KCNK10: variants seen among roughly 807,000 people sequenced by gnomAD.
The protein encoded by KCNK10 is potassium two pore domain channel subfamily K member 10, also known as potassium channel subfamily K member 10.
Under a neutral mutation model 47.7 loss-of-function variants are expected in KCNK10, and 25 were observed. The ratio of observed to expected loss-of-function variants is 0.52; its 90% CI spans 0.38 to 0.73. KCNK10 has a LOEUF of 0.73. Among genes scored for constraint, KCNK10 ranks in the 30% least tolerant of loss-of-function variants. The pLI, the probability that KCNK10 is intolerant of heterozygous loss-of-function variation, is 0.00. For missense variants in KCNK10, 563 were observed against 714.5 expected, an observed-to-expected ratio of 0.79 and a Z score of 2.42; for synonymous variants, 303 against 285.6, an observed-to-expected ratio of 1.06 and a Z score of -0.61.
intron 1 of KCNK10, among the ~76,000 whole-genome samples, chr14:88,268,392 G>A (rs977249477): frequency 4.6e-5 from 7 of 152,196 alleles, no homozygotes; most frequent in African/African-American, 7.2e-5. Flanking sequence ...GCCTGTAGGC[G>A]CATGCTCATG....
At chr14:88,257,784 C>A (rs1197056008) in intron 2 of KCNK10, among the ~76,000 whole-genome samples, 1 of 152,178 alleles carries the variant, frequency 6.6e-6, no homozygotes, top group African/African-American at 2.4e-5. Context: ...CACTAGGGCT[C>A]CATTTTTTGG....
intron 5 of KCNK10, among the ~76,000 whole-genome samples, chr14:88,191,340 A>AACACACACACACACACACACAC (rs56194944): frequency 2.3e-4 from 34 of 150,066 alleles, no homozygotes; most frequent in South Asian, 8.5e-4. Context: ...TGGTAAAGGA[A>AACACACACACACACACACACAC]ACACACACAC....
At chr14:88,284,618 G>A (rs1333111981) in intron 1 of KCNK10, among the ~76,000 whole-genome samples, 1 of 152,172 alleles carries the variant, frequency 6.6e-6, no homozygotes, top group Non-Finnish European at 1.5e-5. Flanking sequence ...ATCCAGCACG[G>A]GAGAAAGATG....
chr14:88,256,502 A>G (rs998044810), intron 2 of KCNK10, among the ~76,000 whole-genome samples: 12 of 152,050 alleles, frequency 7.9e-5, no homozygotes, highest in African/African-American at 2.7e-4. Context: ...AAGGATAAAG[A>G]TGACATTCTA....
chr14:88,277,909 C>T (rs912606003), intron 1 of KCNK10, among the ~76,000 whole-genome samples: 3 of 152,322 alleles, frequency 2.0e-5, no homozygotes, highest in Non-Finnish European at 4.4e-5. Context: ...CCTCTAGATG[C>T]CCCTTGAAGG....
intron 1 of KCNK10, among the ~76,000 whole-genome samples, chr14:88,276,808 C>T (rs757187589): frequency 9.0e-4 from 137 of 152,264 alleles, no homozygotes; most frequent in Non-Finnish European, 1.5e-3. Context: ...GCCCTTGATG[C>T]CCCATGGCAG....
chr14:88,242,760 G>C (rs1349248173), intron 2 of KCNK10, among the ~76,000 whole-genome samples: 1 of 152,142 alleles, frequency 6.6e-6, no homozygotes, highest in African/African-American at 2.4e-5. Context: ...TTTTCACTGT[G>C]CCGTATGAGT....
At chr14:88,230,136 AC>A (rs1277892035) in intron 3 of KCNK10, among the ~76,000 whole-genome samples, 20 of 152,296 alleles carry the variant, frequency 1.3e-4, no homozygotes, top group African/African-American at 4.8e-4. Flanking sequence ...AAGATTAAAT[AC>A]CTGTGAAATA....
At chr14:88,201,327 A>G (rs571896846) in intron 4 of KCNK10, among the ~76,000 whole-genome samples, 3 of 152,190 alleles carry the variant, frequency 2.0e-5, no homozygotes, top group Non-Finnish European at 2.9e-5. Flanking sequence ...AAAGAGGAGC[A>G]CTGTTCCTTC....
chr14:88,255,830 A>G (rs1566704309), intron 2 of KCNK10, among the ~76,000 whole-genome samples: 2 of 152,182 alleles, frequency 1.3e-5, no homozygotes, highest in South Asian at 2.1e-4. Context: ...ACTGCACTCC[A>G]GTGTGGGTAA....
intron 6 of KCNK10, among the ~76,000 whole-genome samples, chr14:88,187,036 C>T (rs544219106): frequency 1.3e-5 from 2 of 152,292 alleles, no homozygotes; most frequent in Admixed American, 6.5e-5. Flanking sequence ...CATGTTGTTC[C>T]CTTCTCTTTT....
At chr14:88,190,493 GT>G (rs1338540121) in intron 5 of KCNK10, among the ~76,000 whole-genome samples, 10 of 152,160 alleles carry the variant, frequency 6.6e-5, no homozygotes, top group African/African-American at 2.4e-4. Context: ...TCTCTGTACA[GT>G]CTCTCTTCGG....
In KCNK10 at chr14:88,194,145, C is replaced by A. The variant is rs907954180; in HGVS notation, c.682-1735G>T. On this transcript the variant is annotated intron_variant, in intron 4 of 6. Coordinates refer to ENST00000319231, the MANE Select transcript of KCNK10 (RefSeq NM_138317.3). ...GAGAAGCCATCTGAAAAAAAAATTA[C>A]AATTTATTGATATTGTTGAAACTAT... 8.5e-5 allele frequency among the ~76,000 whole-genome samples: 13 copies of A among 152,244 alleles called. 1 individual carries two copies. The highest frequency in any genetic ancestry group is 2.9e-4 in the African/African-American group (12 of 41,558).
intron 1 of KCNK10, among the ~76,000 whole-genome samples, chr14:88,303,914 G>C (rs1888157136): frequency 6.6e-6 from 1 of 152,130 alleles, no homozygotes; most frequent in Non-Finnish European, 1.5e-5. Flanking sequence ...CGCTTTCACA[G>C]AACTCTCTTC....
At chr14:88,288,317 A>T (rs1887809680) in intron 1 of KCNK10, among the ~76,000 whole-genome samples, 1 of 152,136 alleles carries the variant, frequency 6.6e-6, no homozygotes, top group African/African-American at 2.4e-5. Flanking sequence ...ACTCATACAC[A>T]TTCACATCCC....
chr14:88,193,039 T>C (rs915312454), intron 4 of KCNK10, among the ~76,000 whole-genome samples: 3 of 152,254 alleles, frequency 2.0e-5, no homozygotes, highest in African/African-American at 7.2e-5. Context: ...AACACACTTT[T>C]GTTTTAAAAC....
Position 88,186,211 on chromosome 14 carries a change from C to A in KCNK10, c.1012-56G>T. The A allele has an allele frequency of 6.6e-7, 1 of 1,514,106 alleles. No homozygotes were observed. Among genetic ancestry groups the A allele is most frequent in the Non-Finnish European group, 8.8e-7 (1 of 1,130,450 alleles). 93.8% of individuals were successfully genotyped at this position (1,514,106 alleles called of 1,614,324 possible). A position where few individuals can be genotyped will look rare whatever the true frequency, so the allele number is the denominator to read the frequency against. ...CTGACAAATGCCTCCCTGCCTTGGC[C>A]TCCCAGCACCCACAGCCCTCGGGTG... On this transcript the variant is annotated intron_variant, in intron 6 of 6. Transcript: ENST00000319231. The surrounding 1 kb of genome is among the most constrained non-coding windows in gnomAD (Gnocchi z 5.5).
chr14:88,280,405 C>T (rs1345199728), intron 1 of KCNK10, among the ~76,000 whole-genome samples: 5 of 152,274 alleles, frequency 3.3e-5, no homozygotes, highest in Non-Finnish European at 5.9e-5. Context: ...TTCTGCACCC[C>T]TTTTGTTCTA....
chr14:88,212,109 A>AAAATATATATATATATATAT (rs1555360606), intron 4 of KCNK10, among the ~76,000 whole-genome samples: 1 of 133,334 alleles, frequency 7.5e-6, no homozygotes, highest in East Asian at 2.6e-4. Context: ...TGATAGTGAG[A>AAAATATATATATATATATAT]ATATATATAT....
Sources: gnomAD v4.1 joint callset for allele counts (sites outside exome capture counted in the v4.1 genomes callset) on GRCh38, gnomAD v4.1.1 for gene constraint, Gnocchi (gnomAD v3.1) non-coding constraint, MANE v1.5 for transcripts, NCBI Gene and HGNC (gene_info 2026-07-23, HGNC 2026-07-21) for gene names.